R3HDM2: variants seen among roughly 807,000 people sequenced by gnomAD.
The protein encoded by R3HDM2 is R3H domain containing 2.
Under a neutral mutation model 124.5 loss-of-function variants are expected in R3HDM2, and 38 were observed. The ratio of observed to expected loss-of-function variants is 0.31; its 90% CI spans 0.24 to 0.40. The LOEUF (loss-of-function observed/expected upper bound fraction) is 0.40, where lower values mean the gene tolerates loss of function less well. R3HDM2 is among the 10% of genes least tolerant of loss of function. The probability of loss-of-function intolerance (pLI) is 1.00; values close to 1 mark genes in which losing one functional copy is unlikely to be tolerated. For synonymous variants in R3HDM2, 391 were observed against 448.0 expected (o/e 0.87, Z 1.61); for missense variants, 869 against 1,236.9 (o/e 0.70, Z 4.46).
At chr12:57,423,808 TAAA>T (rs57587261) in intron 1 of R3HDM2, among the ~76,000 whole-genome samples, 13 of 51,436 alleles carry the variant, frequency 2.5e-4, no homozygotes, top group African/African-American at 4.6e-4. Flanking sequence ...CTGTCTCAAT[TAAA>T]AAAAAAAAAA....
In R3HDM2 at chr12:57,310,353, C is replaced by T. The variant is rs2053646096; in HGVS notation, c.76G>A (p.Val26Ile). The T allele has an allele frequency of 6.5e-7, 1 of 1,548,914 alleles. No individual in the cohort carries two copies. The highest frequency in any genetic ancestry group is 8.7e-7 in the Non-Finnish European group (1 of 1,145,286). The change falls in exon 3 of 24, where the codon GTA becomes ATA. Residue 26 changes from valine to isoleucine, a missense_variant. By Grantham distance (29) the Val-to-Ile change is conservative. This residue lies in a region of R3HDM2 where 267 missense variants were observed against 447.7 expected (regional missense o/e 0.60). Transcript: ENST00000402412. ...ESEKKLVEES[V>I]NKNKFISKTP... is the part of the protein sequence containing the mutation. ...TTAGATATAAACTTGTTTTTGTTTA[C>T]AGATTCTTCCACCAGTTTTTTTTCT...
intron 2 of R3HDM2, among the ~76,000 whole-genome samples, chr12:57,393,285 G>A (rs2067003340): frequency 6.6e-6 from 1 of 151,886 alleles, no homozygotes; most frequent in South Asian, 2.1e-4. Context: ...GGAATTTTTA[G>A]TAGAAACGGG....
chr12:57,317,342 G>A (rs1050805949), intron 2 of R3HDM2, among the ~76,000 whole-genome samples: 5 of 151,264 alleles, frequency 3.3e-5, no homozygotes, highest in African/African-American at 9.7e-5. Flanking sequence ...CCATCACCAC[G>A]AATGGCTAAT....
intron 2 of R3HDM2, among the ~76,000 whole-genome samples, chr12:57,345,910 A>T (rs2060039792): frequency 6.6e-6 from 1 of 152,216 alleles, no homozygotes; most frequent in Non-Finnish European, 1.5e-5. Flanking sequence ...CTGTAATCCC[A>T]GCACTTTGGT....
At position 57,299,428 on chromosome 12, in the gene R3HDM2, C is replaced by A. The variant is rs1179140556; in HGVS notation, c.345G>T (p.Lys115Asn). Residue 115 changes from lysine (K) to asparagine (N), a missense_variant, in exon 6 of 24, where the codon AAG becomes AAT. Around this residue, in one of 2 missense-constraint regions of R3HDM2, gnomAD observed 267 missense variants for 447.7 expected, o/e 0.60. Transcript: ENST00000402412. ...ISCPSDKEEE[K>N]STKDVSEKED... ...CCTTTTCAGAGACATCTTTTGTGGACTTTTCTTCCTCCTTGTCAGAAGGGC... is the reference window on the plus strand; with the variant it reads ...CCTTTTCAGAGACATCTTTTGTGGAATTTTCTTCCTCCTTGTCAGAAGGGC... 1 of 1,543,950 alleles carries A rather than the reference C, an allele frequency of 6.5e-7. No homozygotes were observed. Among genetic ancestry groups the A allele is most frequent in the African/African-American group, 1.4e-5 (1 of 72,838 alleles).
At chr12:57,305,941 GA>G in intron 3 of R3HDM2, among the ~76,000 whole-genome samples, 1 of 152,358 alleles carries the variant, frequency 6.6e-6, no homozygotes, top group Non-Finnish European at 1.5e-5. Context: ...ATACTATATA[GA>G]CCTGCAAATA....
intron 2 of R3HDM2, among the ~76,000 whole-genome samples, chr12:57,328,614 C>T (rs1370275632): frequency 3.9e-5 from 6 of 152,236 alleles, no homozygotes; most frequent in African/African-American, 1.4e-4. Flanking sequence ...CATAGTGTCC[C>T]ACAGCCTTGA....
intron 11 of R3HDM2, among the ~76,000 whole-genome samples, chr12:57,290,870 C>T (rs2048426316): frequency 6.6e-6 from 1 of 152,186 alleles, no homozygotes; most frequent in African/African-American, 2.4e-5. Context: ...CCTCGGCCTC[C>T]CAGAGTGCTG....
At chr12:57,329,814 T>C (rs2057879026) in intron 2 of R3HDM2, among the ~76,000 whole-genome samples, 1 of 152,206 alleles carries the variant, frequency 6.6e-6, no homozygotes, top group Admixed American at 6.5e-5. Context: ...ATGGGATGTG[T>C]TTCCATTTAT....
intron 14 of R3HDM2, 73 bp from the exon 15 acceptor site, chr12:57,270,067 G>C: frequency 2.6e-6 from 4 of 1,543,088 alleles, no homozygotes; most frequent in Non-Finnish European, 3.6e-6. Context: ...CATAGACAGA[G>C]AGAAATAGCA....
chr12:57,257,643 C>T (rs1263543239), intron 21 of R3HDM2, among the ~76,000 whole-genome samples: 1 of 152,130 alleles, frequency 6.6e-6, no homozygotes, highest in African/African-American at 2.4e-5. Flanking sequence ...AAGACCATAC[C>T]GTTTCTTACA....
intron 2 of R3HDM2, among the ~76,000 whole-genome samples, chr12:57,324,824 CT>C (rs1170658864): frequency 1.3e-5 from 2 of 152,196 alleles, no homozygotes; most frequent in African/African-American, 4.8e-5. Context: ...TGTTAAAGTC[CT>C]TACCCTCAGT....
rs762491267 is a variant in R3HDM2 at position 57,308,047 on chromosome 12, AT to A, written c.165+2216del. ...ACATTGTATTTGTATTTCCAGGTGA[AT>A]TTTTTTTTTTTTTTTTGAGTTGGAG... On this transcript the variant is annotated intron_variant, in intron 3 of 23. Transcript: ENST00000402412. 7.7e-3 allele frequency among the ~76,000 whole-genome samples: 1,032 copies of A among 134,500 alleles called. 2 individuals carry two copies. The highest frequency in any genetic ancestry group is 0.011 in the African/African-American group (385 of 36,624). 88.2% of individuals were successfully genotyped at this position (134,500 alleles called of 152,430 possible). A position where few individuals can be genotyped will look rare whatever the true frequency, so the allele number is the denominator to read the frequency against.
chr12:57,327,450 G>A lies in R3HDM2; in HGVS notation c.-35-16987C>T, dbSNP rs578173894. On this transcript the variant is annotated intron_variant, in intron 2 of 23. Coordinates refer to ENST00000402412, the MANE Select transcript of R3HDM2 (RefSeq NM_001394031.1). ...CCATTGCACTCCAGCCTGGGCGACA[G>A]AGCAAGACTCCGTCTCAAAAAAAAA... is the stretch of plus-strand genomic sequence containing the variant. 2.9e-5 allele frequency among the ~76,000 whole-genome samples: 4 copies of A among 138,648 alleles called. No individual in the cohort carries two copies. In the South Asian group the frequency reaches 9.1e-4, roughly 32 times the overall value. 91.0% of individuals were successfully genotyped at this position (138,648 alleles called of 152,430 possible).
At chr12:57,423,405 C>A (rs997213403) in intron 1 of R3HDM2, among the ~76,000 whole-genome samples, 1 of 151,710 alleles carries the variant, frequency 6.6e-6, no homozygotes, top group South Asian at 2.1e-4. Flanking sequence ...GCCTGGGCAA[C>A]AGAGCAAGAC....
intron 2 of R3HDM2, among the ~76,000 whole-genome samples, chr12:57,343,234 A>G (rs1258770543): frequency 7.2e-6 from 1 of 139,194 alleles, no homozygotes; most frequent in African/African-American, 2.7e-5. Flanking sequence ...CTTGTTGCCC[A>G]AGCTAGAGTC....
rs35275303 is a variant in R3HDM2, at chr12:57,272,622, T to TGGGGGGGGGGGGGGGGGG, written c.1345-2629_1345-2628insCCCCCCCCCCCCCCCCCC. 7.0e-5 allele frequency: 5 copies of TGGGGGGGGGGGGGGGGGG among 71,036 alleles called. 1 individual carries two copies. Among genetic ancestry groups the TGGGGGGGGGGGGGGGGGG allele is most frequent in the African/African-American group, 1.2e-4 (2 of 16,350 alleles). The allele number at this position is 71,036 out of a possible 1,614,324, so 4.4% of individuals were successfully genotyped here. A position where few individuals can be genotyped will look rare whatever the true frequency, so the allele number is the denominator to read the frequency against. On this transcript the variant is annotated intron_variant, in intron 14 of 23. Transcript: ENST00000402412. ...GAGAGGTGGGAAGCGGGGGGTGGGG[T>TGGGGGGGGGGGGGGGGGG]GGGGGGGGGGTGCGGGCAGAGATGG...
At chr12:57,334,032 G>C (rs1384806180) in intron 2 of R3HDM2, among the ~76,000 whole-genome samples, 2 of 150,262 alleles carry the variant, frequency 1.3e-5, no homozygotes, top group Non-Finnish European at 3.0e-5. Flanking sequence ...GCGAGACTCC[G>C]TCTCAAAAAA....
chr12:57,263,763 A>C (rs1349030172), intron 19 of R3HDM2, among the ~76,000 whole-genome samples: 8 of 152,100 alleles, frequency 5.3e-5, no homozygotes, highest in Non-Finnish European at 1.0e-4. Flanking sequence ...ATGAGACACC[A>C]TGCCTGGCCT....
Sources: allele counts gnomAD v4.1 joint callset (sites outside exome capture counted in the v4.1 genomes callset), GRCh38; gene constraint gnomAD v4.1.1; regional missense constraint gnomAD v4.1.1; transcripts MANE v1.5; gene names NCBI Gene and HGNC (gene_info 2026-07-23, HGNC 2026-07-21).